Variants in SLFN5 observed in about 807,000 individuals in gnomAD.
The protein encoded by SLFN5 is schlafen family member 5.
SLFN5 carries 34 observed loss-of-function variants against 48.5 expected under a neutral mutation model. The observed-to-expected ratio is 0.70, with a 90% CI of 0.53 to 0.93. The LOEUF (loss-of-function observed/expected upper bound fraction) is 0.93, where lower values mean the gene tolerates loss of function less well. Among genes scored for constraint, SLFN5 ranks in the 40% least tolerant of loss-of-function variants. The probability of loss-of-function intolerance (pLI) is 0.00; values close to 1 mark genes in which losing one functional copy is unlikely to be tolerated. For synonymous variants in SLFN5, 387 were observed against 396.2 expected (o/e 0.98, Z 0.28); for missense variants, 1,006 against 1,071.3 (o/e 0.94, Z 0.85).
At chr17:35,258,455 C>T (rs1370806337) in intron 1 of SLFN5, among the ~76,000 whole-genome samples, 196 bp from the exon 2 acceptor site, 1 of 152,162 alleles carries the variant, frequency 6.6e-6, no homozygotes, top group East Asian at 1.9e-4. Context: ...ACTCAATTAT[C>T]TCCCACCGGC....
At position 35,265,605 on chromosome 17, in the gene SLFN5, G is replaced by T; in HGVS notation, c.2393G>T (p.Ser798Ile). Reference protein sequence around the residue: ...KDIAVLFTKASEVEKYKDRLL... With the variant: ...KDIAVLFTKAIEVEKYKDRLL... ...ATTGCTGTGCTTTTCACCAAAGCAA[G>T]TGAAGTGGAAAAATATAAAGACAGG... Residue 798 changes from serine to isoleucine, a missense_variant, in exon 5 of 5, where the codon AGT (serine) becomes ATT (isoleucine). Ser to Ile is a moderately radical substitution (Grantham distance 142). Coordinates refer to ENST00000299977, the MANE Select transcript of SLFN5 (RefSeq NM_144975.4). 3 of 1,614,240 alleles carry T rather than the reference G, an allele frequency of 1.9e-6. No homozygotes were observed. The highest frequency in any genetic ancestry group is 2.5e-6 in the Non-Finnish European group (3 of 1,180,042).
chr17:35,252,148 G>A (rs1013781136), intron 1 of SLFN5, among the ~76,000 whole-genome samples: 1 of 152,164 alleles, frequency 6.6e-6, no homozygotes, highest in Non-Finnish European at 1.5e-5. Flanking sequence ...ACAGCTGAGC[G>A]GTGGGGCATG....
At position 35,253,359 on chromosome 17, in the gene SLFN5, A is replaced by ACTCTCT. The variant is rs57385773; in HGVS notation, c.-40-5279_-40-5274dup. On this transcript the variant is annotated intron_variant, in intron 1 of 4. Transcript: ENST00000299977. ...TATTTCTGGAAGATGACTGTATAGC[A>ACTCTCT]CTCTCTCTCTCTCTCTCTTTTAAAT... Among the ~76,000 whole-genome samples the ACTCTCT allele has an allele frequency of 1.2e-3, 181 of 150,020 alleles. 2 individuals carry two copies. The highest frequency in any genetic ancestry group is 3.0e-3 in the Admixed American group (45 of 15,032).
In SLFN5 at chr17:35,264,706, C is replaced by A. The variant is rs750370292; in HGVS notation, c.1662C>A (p.Asn554Lys). ...AAGAGCTGGGCTCTGAGGTTTTGAA[C>A]CTACTGACAAATAAACAGTATGAGT... ...LSEELGSEVL[N>K]LLTNKQYELL... Residue 554 changes from asparagine (N) to lysine (K), a missense_variant, in exon 4 of 5, where the codon AAC becomes AAA. Transcript: ENST00000299977. 1.2e-5 allele frequency: 20 copies of A among 1,607,980 alleles called. No homozygotes were observed. Among genetic ancestry groups the A allele is most frequent in the Non-Finnish European group, 1.7e-5 (20 of 1,178,112 alleles).
At chr17:35,258,586 C>G in intron 1 of SLFN5, 65 bp from the exon 2 acceptor site, 2 of 1,389,166 alleles carry the variant, frequency 1.4e-6, no homozygotes, top group Non-Finnish European at 1.9e-6. Flanking sequence ...TGGCCTTAAT[C>G]TGTTGGTTTT....
Position 35,265,216 on chromosome 17 carries a change from CA to C in SLFN5, c.2005del (p.Thr669LeufsTer23). On this transcript the variant is annotated frameshift_variant, in exon 5 of 5. Coordinates refer to ENST00000299977, the MANE Select transcript of SLFN5 (RefSeq NM_144975.4). LOFTEE classifies it low-confidence loss of function (END_TRUNC). ...ACTGGTATGGGAAAGCAAAGTTCAT[CA>C]CTCAGACAGCAAGGGATGGCCCAGG... ...GDWYGKAKFI[T>X]QTARDGPGVL... 6.2e-7 allele frequency: 1 copy of C among 1,614,222 alleles called. No homozygotes were observed. The highest frequency in any genetic ancestry group is 8.5e-7 in the Non-Finnish European group (1 of 1,180,038).
chr17:35,265,677 A>C lies in SLFN5; in HGVS notation c.2465A>C (p.Glu822Ala). Residue 822 changes from glutamate to alanine, a missense_variant, in exon 5 of 5, where the codon GAG becomes GCG. Transcript: ENST00000299977. ...AGAAAACTGTCTCAGCTCCATGAGG[A>C]GTCTGATCTGTTACTACAGATCGGT... ...RKRKLSQLHE[E>A]SDLLLQIGDA... The C allele has an allele frequency of 1.2e-6, 2 of 1,614,182 alleles. No homozygotes were observed. The highest frequency in any genetic ancestry group is 1.7e-6 in the Non-Finnish European group (2 of 1,179,990).
In SLFN5 at chr17:35,266,817, C is replaced by A. The variant is rs1597657511; in HGVS notation, c.*929C>A. ...TTCTGCTGAGTCTTCAGGATGTTAGCTAGTCTTTCAAAAGCCATTGCTACA... is the reference window on the plus strand; with the variant it reads ...TTCTGCTGAGTCTTCAGGATGTTAGATAGTCTTTCAAAAGCCATTGCTACA... On this transcript the variant is annotated 3_prime_UTR_variant, in exon 5 of 5. Transcript: ENST00000299977. 1 of 152,290 alleles carries A rather than the reference C, an allele frequency of 6.6e-6. No individual in the cohort carries two copies. The highest frequency in any genetic ancestry group is 1.9e-4 in the East Asian group (1 of 5,188). 9.4% of individuals were successfully genotyped at this position (152,290 alleles called of 1,614,324 possible). A position where few individuals can be genotyped will look rare whatever the true frequency, so the allele number is the denominator to read the frequency against.
rs1475911957 is a variant in SLFN5, at chr17:35,268,439, G to A, written c.*2551G>A. 1 of 152,196 alleles carries A rather than the reference G, an allele frequency of 6.6e-6. No individual in the cohort carries two copies. Among genetic ancestry groups the A allele is most frequent in the Non-Finnish European group, 1.5e-5 (1 of 68,050 alleles). The allele number at this position is 152,196 out of a possible 1,614,324, so 9.4% of individuals were successfully genotyped here. On this transcript the variant is annotated 3_prime_UTR_variant, in exon 5 of 5. Transcript: ENST00000299977. ...GACAAAAGACAACTCACCATAAGTT[G>A]GGCGCAGTGGATCACGCCTGTAATC...
Position 35,259,201 on chromosome 17 carries a change from T to C in SLFN5, c.511T>C (p.Ser171Pro), listed in dbSNP as rs1384776526. The C allele has an allele frequency of 1.2e-6, 2 of 1,614,138 alleles. No homozygotes were observed. The highest frequency in any genetic ancestry group is 1.7e-6 in the Non-Finnish European group (2 of 1,180,038). ...ACAATATGAAGGTAACATAAATGTG[T>C]CAGCTGCTGCTTTATTTGATAGAAA... is the stretch of plus-strand genomic sequence containing the variant. The part of the protein sequence containing the change: ...SVQYEGNINV[S>P]AAALFDRKRL... The change falls in exon 2 of 5, where the codon TCA (serine) becomes CCA (proline). Residue 171 changes from serine to proline, a missense_variant. Physicochemically the swap from Ser to Pro is moderately conservative, Grantham distance 74. Transcript: ENST00000299977.
At position 35,272,804 on chromosome 17, in the gene SLFN5, A is replaced by G. The variant is rs1398860460; in HGVS notation, c.*6916A>G. On this transcript the variant is annotated 3_prime_UTR_variant, in exon 5 of 5. Transcript: ENST00000299977. ...ATTACTCATGATAGCAGAAGTATCA[A>G]TTGACAAAATTACTCAGATTGGTAA... 4 of 152,238 alleles carry G rather than the reference A, an allele frequency of 2.6e-5. No individual in the cohort carries two copies. The highest frequency in any genetic ancestry group is 1.3e-4 in the Admixed American group (2 of 15,284). 9.4% of individuals were successfully genotyped at this position (152,238 alleles called of 1,614,324 possible).
chr17:35,262,436 C>T (rs574147861), intron 3 of SLFN5, among the ~76,000 whole-genome samples: 1 of 151,254 alleles, frequency 6.6e-6, no homozygotes, highest in East Asian at 1.9e-4. Context: ...GTAATAATTA[C>T]TTGTAACTTT....
chr17:35,245,864 G>T (rs749121664), intron 1 of SLFN5, among the ~76,000 whole-genome samples: 4 of 149,338 alleles, frequency 2.7e-5, no homozygotes, highest in African/African-American at 9.9e-5. Context: ...ATACTTTGGT[G>T]TGGAATGGCT....
At chr17:35,244,387 C>T (rs539389756) in intron 1 of SLFN5, among the ~76,000 whole-genome samples, 43 of 152,010 alleles carry the variant, frequency 2.8e-4, no homozygotes, top group Admixed American at 6.6e-5. Context: ...TTCCTCCCCT[C>T]CCCTACCAAT....
At chr17:35,244,635 G>A (rs2092426654) in intron 1 of SLFN5, among the ~76,000 whole-genome samples, 1 of 152,130 alleles carries the variant, frequency 6.6e-6, no homozygotes, top group Non-Finnish European at 1.5e-5. Context: ...TCATTTAAAT[G>A]TCACAAGAGG....
chr17:35,246,351 A>G (rs1384414749), intron 1 of SLFN5, among the ~76,000 whole-genome samples: 1 of 152,110 alleles, frequency 6.6e-6, no homozygotes, highest in Non-Finnish European at 1.5e-5. Context: ...CAGGTTTGTT[A>G]CATAGATAAA....
chr17:35,248,983 G>A (rs2092436628), intron 1 of SLFN5, among the ~76,000 whole-genome samples: 1 of 151,916 alleles, frequency 6.6e-6, no homozygotes, highest in South Asian at 2.1e-4. Context: ...AAAAAGTAAG[G>A]CAAAGTCTCC....
rs1236651334 is a variant in SLFN5 at position 35,264,597 on chromosome 17, A to G, written c.1553A>G (p.Tyr518Cys). 1 of 1,614,188 alleles carries G rather than the reference A, an allele frequency of 6.2e-7. No individual in the cohort carries two copies. The highest frequency in any genetic ancestry group is 1.7e-5 in the Admixed American group (1 of 60,028). Residue 518 changes from tyrosine to cysteine, a missense_variant, in exon 4 of 5, where the codon TAT (tyrosine) becomes TGT (cysteine). Coordinates refer to ENST00000299977, the MANE Select transcript of SLFN5 (RefSeq NM_144975.4). ...TATTTACAAATTTACCCTGAATCCTATAACTTCATGACCCCCCAGCACATG... is the reference window on the plus strand; with the variant it reads ...TATTTACAAATTTACCCTGAATCCTGTAACTTCATGACCCCCCAGCACATG... ...SSYLQIYPES[Y>C]NFMTPQHMEA...
chr17:35,245,635 T>C (rs1033639396), intron 1 of SLFN5, among the ~76,000 whole-genome samples: 1 of 152,198 alleles, frequency 6.6e-6, no homozygotes, highest in African/African-American at 2.4e-5. Context: ...TGTTTTCAGA[T>C]TCATCTATGT....
Sources: gnomAD v4.1 joint callset for allele counts (sites outside exome capture counted in the v4.1 genomes callset) on GRCh38, gnomAD v4.1.1 for gene constraint, MANE v1.5 for transcripts, NCBI Gene and HGNC (gene_info 2026-07-23, HGNC 2026-07-21) for gene names.